Variants in SLC25A21 observed in about 807,000 individuals in gnomAD.
SLC25A21 encodes solute carrier family 25 member 21, also known as mitochondrial 2-oxodicarboxylate carrier.
SLC25A21 carries 47 observed loss-of-function variants against 43.8 expected under a neutral mutation model. The ratio of observed to expected loss-of-function variants is 1.07; its 90% CI spans 0.85 to 1.37. The LOEUF (loss-of-function observed/expected upper bound fraction) is 1.37. SLC25A21 is among the 40% of genes most tolerant of loss of function. The probability of loss-of-function intolerance (pLI) is 0.00; values close to 1 mark genes in which losing one functional copy is unlikely to be tolerated. For missense variants in SLC25A21, 352 were observed against 350.2 expected, an observed-to-expected ratio of 1.00 and a Z score of -0.04; for synonymous variants, 131 against 121.3, an observed-to-expected ratio of 1.08 and a Z score of -0.52.
chr14:36,891,351 A>T (rs944140071), intron 1 of SLC25A21, among the ~76,000 whole-genome samples: 2 of 152,168 alleles, frequency 1.3e-5, no homozygotes, highest in East Asian at 1.9e-4. Context: ...CAGATTTCAT[A>T]ATCTGTTGGT....
intron 3 of SLC25A21, among the ~76,000 whole-genome samples, chr14:36,739,411 C>G (rs1021248321): frequency 3.1e-4 from 47 of 152,026 alleles, no homozygotes; most frequent in African/African-American, 1.1e-3. Context: ...GGCACAGTAG[C>G]TCACACCTGT....
At chr14:36,766,711 G>A (rs984952176) in intron 3 of SLC25A21, among the ~76,000 whole-genome samples, 18 of 152,122 alleles carry the variant, frequency 1.2e-4, no homozygotes, top group African/African-American at 3.6e-4. Flanking sequence ...CAGCACCCAA[G>A]AGGCAGTGTG....
chr14:36,927,719 A>G (rs1594698560), intron 1 of SLC25A21, among the ~76,000 whole-genome samples: 1 of 152,206 alleles, frequency 6.6e-6, no homozygotes, highest in Non-Finnish European at 1.5e-5. Context: ...ATTTTAAAGT[A>G]GACTTATATC....
chr14:37,135,084 T>C (rs2138911499), intron 1 of SLC25A21, among the ~76,000 whole-genome samples: 1 of 152,184 alleles, frequency 6.6e-6, no homozygotes, highest in Non-Finnish European at 1.5e-5. Flanking sequence ...CACGCCACCA[T>C]GCCCAGCTAA....
At chr14:37,038,218 T>G (rs764449366) in intron 1 of SLC25A21, among the ~76,000 whole-genome samples, 40 of 152,290 alleles carry the variant, frequency 2.6e-4, no homozygotes, top group Middle Eastern at 3.4e-3. Flanking sequence ...TGTCCTTTGT[T>G]CTTATCTAAG....
intron 1 of SLC25A21, among the ~76,000 whole-genome samples, chr14:36,917,952 T>C (rs1594691641): frequency 6.6e-6 from 1 of 152,252 alleles, no homozygotes; most frequent in South Asian, 2.1e-4. Context: ...GTCCTATTAC[T>C]TTTTGTCATG....
chr14:37,094,265 G>C (rs1307778110), intron 1 of SLC25A21, among the ~76,000 whole-genome samples: 1 of 152,166 alleles, frequency 6.6e-6, no homozygotes, highest in African/African-American at 2.4e-5. Context: ...CCGCTCACCA[G>C]AGTCAGGTCT....
At chr14:36,866,533 C>G (rs558490725) in intron 2 of SLC25A21, among the ~76,000 whole-genome samples, 1 of 152,286 alleles carries the variant, frequency 6.6e-6, no homozygotes, top group South Asian at 2.1e-4. Context: ...ATGCCACTTT[C>G]TCCACACAGG....
intron 1 of SLC25A21, among the ~76,000 whole-genome samples, chr14:37,018,212 T>A (rs1175958873): frequency 6.6e-6 from 1 of 152,032 alleles, no homozygotes; most frequent in Non-Finnish European, 1.5e-5. Flanking sequence ...GTCAAATTAA[T>A]TTAGCTGCCT....
chr14:36,802,166 TCTTA>T (rs1324323579), intron 3 of SLC25A21, among the ~76,000 whole-genome samples: 1 of 152,218 alleles, frequency 6.6e-6, no homozygotes, highest in Non-Finnish European at 1.5e-5. Context: ...TCGTAAATTT[TCTTA>T]CTATCTGTTT....
chr14:37,073,844 C>G (rs1276414296), intron 1 of SLC25A21, among the ~76,000 whole-genome samples: 1 of 151,946 alleles, frequency 6.6e-6, no homozygotes, highest in Non-Finnish European at 1.5e-5. Context: ...CTTGATTGAT[C>G]AAGGAACTTA....
intron 4 of SLC25A21, among the ~76,000 whole-genome samples, chr14:36,733,597 T>A (rs1370634909): frequency 6.6e-6 from 1 of 152,214 alleles, no homozygotes; most frequent in Non-Finnish European, 1.5e-5. Context: ...TGAGTAAAAG[T>A]ATATGAACTG....
intron 1 of SLC25A21, among the ~76,000 whole-genome samples, chr14:37,072,805 A>G (rs1322175692): frequency 2.0e-5 from 3 of 152,238 alleles, no homozygotes; most frequent in Non-Finnish European, 4.4e-5. Flanking sequence ...AAAACAAGGA[A>G]TCAGGAAACA....
intron 6 of SLC25A21, among the ~76,000 whole-genome samples, chr14:36,719,323 TG>T (rs1205025318): frequency 6.6e-6 from 1 of 152,218 alleles, no homozygotes; most frequent in East Asian, 1.9e-4. Flanking sequence ...TTGGCAAGAC[TG>T]GGTATGCAAA....
At chr14:36,880,437 G>A (rs1255549705) in intron 1 of SLC25A21, among the ~76,000 whole-genome samples, 6 of 152,074 alleles carry the variant, frequency 3.9e-5, no homozygotes, top group Non-Finnish European at 1.5e-5. Flanking sequence ...TGAAACAGGA[G>A]CTCCCTGAAC....
In SLC25A21 at chr14:36,678,248, A is replaced by C. The variant is rs1473340075; in HGVS notation, c.*2410T>G. ...TTAGGTTTTCAAATCACTAGGATGT[A>C]AACAGTAAGCAGATTTCTGACACAC... On this transcript the variant is annotated 3_prime_UTR_variant, in exon 10 of 10. Transcript: ENST00000331299. 6.0e-5 allele frequency: 33 copies of C among 552,644 alleles called. No homozygotes were observed. The Admixed American group carries it at 1.0e-3, about 17-fold the overall frequency. The allele number at this position is 552,644 out of a possible 1,614,324, so 34.2% of individuals were successfully genotyped here. A position where few individuals can be genotyped will look rare whatever the true frequency, so the allele number is the denominator to read the frequency against.
At chr14:36,886,484 G>A (rs1209864335) in intron 1 of SLC25A21, among the ~76,000 whole-genome samples, 1 of 152,188 alleles carries the variant, frequency 6.6e-6, no homozygotes, top group Non-Finnish European at 1.5e-5. Flanking sequence ...TGTGTCTATA[G>A]GGAATGCAGT....
At chr14:36,927,000 A>G (rs2138631764) in intron 1 of SLC25A21, among the ~76,000 whole-genome samples, 1 of 151,916 alleles carries the variant, frequency 6.6e-6, no homozygotes, top group South Asian at 2.1e-4. Context: ...TGAAACCCCA[A>G]CTCTACTAGA....
intron 1 of SLC25A21, among the ~76,000 whole-genome samples, chr14:37,117,753 T>C (rs549700934): frequency 5.5e-4 from 83 of 152,218 alleles, no homozygotes; most frequent in South Asian, 1.9e-3. Flanking sequence ...AATACTGCCA[T>C]CTCCTTCCTA....
Sources: gnomAD v4.1 joint callset for allele counts (sites outside exome capture counted in the v4.1 genomes callset) on GRCh38, gnomAD v4.1.1 for gene constraint, MANE v1.5 for transcripts, NCBI Gene and HGNC (gene_info 2026-07-23, HGNC 2026-07-21) for gene names.